Variants in VGLL4 observed in about 807,000 individuals in gnomAD.
The protein encoded by VGLL4 is vestigial like family member 4, also known as transcription cofactor vestigial-like protein 4.
A neutral mutation model predicts 21.0 loss-of-function variants in VGLL4; 7 were observed. The observed-to-expected ratio is 0.33, with a 90% CI of 0.19 to 0.63. The LOEUF (loss-of-function observed/expected upper bound fraction) is 0.63, where lower values mean the gene tolerates loss of function less well. Ranked by LOEUF, VGLL4 falls within the 20% of genes least tolerant of loss-of-function variation. The pLI, the probability that VGLL4 is intolerant of heterozygous loss-of-function variation, is 0.78. For missense variants in VGLL4, 394 were observed against 425.7 expected (o/e 0.93, Z 0.66); for synonymous variants, 222 against 173.2 (o/e 1.28, Z -2.21).
At chr3:11,643,965 G>C (rs1032759431), upstream of VGLL4, 3 of 992,390 alleles carry the variant, frequency 3.0e-6, no homozygotes, top group Non-Finnish European at 3.6e-6. Context: ...AGGAGGCCGA[G>C]CATGCTCACT....
intron 2 of VGLL4, among the ~76,000 whole-genome samples, chr3:11,588,768 A>G (rs2074417050): frequency 6.6e-6 from 1 of 152,246 alleles, no homozygotes; most frequent in African/African-American, 2.4e-5. Flanking sequence ...GACTTGGTGA[A>G]GTGCTGGAAG....
At chr3:11,711,904 G>A (rs928362546) in intron 1 of VGLL4, among the ~76,000 whole-genome samples, 1 of 152,102 alleles carries the variant, frequency 6.6e-6, no homozygotes, top group Non-Finnish European at 1.5e-5. Flanking sequence ...ATGAGAATCA[G>A]ACCAAATGTC....
At chr3:11,674,086 G>A (rs2076256180) in intron 2 of VGLL4, among the ~76,000 whole-genome samples, 1 of 150,622 alleles carries the variant, frequency 6.6e-6, no homozygotes. Flanking sequence ...AAGCCAGAAG[G>A]CAATGGAGCT....
intron 2 of VGLL4, among the ~76,000 whole-genome samples, chr3:11,574,963 CT>C (rs1201215665): frequency 5.3e-5 from 8 of 152,110 alleles, no homozygotes; most frequent in Non-Finnish European, 1.2e-4. Flanking sequence ...ATCCAAAACC[CT>C]TTTGGCTTGG....
At chr3:11,587,082 C>CA (rs1350885664) in intron 2 of VGLL4, among the ~76,000 whole-genome samples, 1 of 152,082 alleles carries the variant, frequency 6.6e-6, no homozygotes, top group Non-Finnish European at 1.5e-5. Context: ...GGCTAGTGGC[C>CA]AAAGAGACTT....
At chr3:11,604,625 C>G in intron 1 of VGLL4, 1 of 773,494 alleles carries the variant, frequency 1.3e-6, no homozygotes, top group South Asian at 6.5e-5. Context: ...GGAGATAAGA[C>G]ACTTGCATTG....
chr3:11,570,749 T>C (rs979466705), intron 2 of VGLL4, among the ~76,000 whole-genome samples: 2 of 152,174 alleles, frequency 1.3e-5, no homozygotes, highest in Non-Finnish European at 2.9e-5. Context: ...TGAGATGTCT[T>C]CTCCCTTTTA....
intron 2 of VGLL4, among the ~76,000 whole-genome samples, chr3:11,670,498 A>C (rs1296081739): frequency 6.6e-6 from 1 of 152,156 alleles, no homozygotes; most frequent in Non-Finnish European, 1.5e-5. Flanking sequence ...AGCTCTACTT[A>C]AGATTTGATT....
intron 2 of VGLL4, among the ~76,000 whole-genome samples, chr3:11,572,235 A>G (rs560341685): frequency 1.7e-4 from 26 of 152,218 alleles, no homozygotes; most frequent in Non-Finnish European, 3.5e-4. Flanking sequence ...TCACTGCCCC[A>G]CTGCAAAATA....
At chr3:11,663,548 T>C (rs1253623958) in intron 2 of VGLL4, among the ~76,000 whole-genome samples, 1 of 151,932 alleles carries the variant, frequency 6.6e-6, no homozygotes, top group Non-Finnish European at 1.5e-5. Flanking sequence ...CAAAACCTTG[T>C]CTCTACTAAA....
Position 11,565,075 on chromosome 3 carries a change from T to G in VGLL4, c.273-56A>C, listed in dbSNP as rs1157641327. On this transcript the variant is annotated intron_variant, in intron 2 of 4. Transcript: ENST00000430365. This position sits in a 1 kb window ranked among gnomAD's most constrained non-coding sequence, Gnocchi z 4.1. ...GTTTTCTCAAAGGCAAAGGGGACAG[T>G]GACTGTGCGCCAGGCACTCCGTGTT... is the stretch of plus-strand genomic sequence containing the variant. 7.0e-7 allele frequency: 1 copy of G among 1,420,854 alleles called. No individual in the cohort carries two copies. The highest frequency in any genetic ancestry group is 1.5e-5 in the African/African-American group (1 of 67,564). 88.0% of individuals were successfully genotyped at this position (1,420,854 alleles called of 1,614,324 possible).
chr3:11,707,059 T>C (rs2076770637), intron 1 of VGLL4, among the ~76,000 whole-genome samples: 1 of 151,890 alleles, frequency 6.6e-6, no homozygotes, highest in Non-Finnish European at 1.5e-5. Context: ...CTCACGCCTA[T>C]AGTCCCAGCA....
intron 2 of VGLL4, among the ~76,000 whole-genome samples, chr3:11,574,393 G>A (rs2073965342): frequency 6.6e-6 from 1 of 152,200 alleles, no homozygotes; most frequent in African/African-American, 2.4e-5. Flanking sequence ...CACTGCACGA[G>A]CACCGCACAA....
chr3:11,607,803 T>C (rs1396773555), intron 1 of VGLL4, among the ~76,000 whole-genome samples: 2 of 152,244 alleles, frequency 1.3e-5, no homozygotes, highest in Non-Finnish European at 2.9e-5. Flanking sequence ...TAAAGTCAGA[T>C]AATTTTTAAA....
rs147103769 is a variant in VGLL4, at chr3:11,713,866, G to T, written c.-14+6528C>A. ...GACCAAATAAAGGGCTAACACTCTGGATGGAAACACTGAATGAATGCTCTG... is the reference window on the plus strand; with the variant it reads ...GACCAAATAAAGGGCTAACACTCTGTATGGAAACACTGAATGAATGCTCTG... On this transcript the variant is annotated intron_variant, in intron 1 of 5. Coordinates refer to the VGLL4 transcript ENST00000273038. Among the ~76,000 whole-genome samples the T allele has an allele frequency of 6.6e-4, 101 of 152,152 alleles. 3 individuals carry two copies. The East Asian group carries it at 0.018, about 27-fold the overall frequency.
chr3:11,716,869 C>G (rs541445335), intron 1 of VGLL4, among the ~76,000 whole-genome samples: 5 of 152,112 alleles, frequency 3.3e-5, no homozygotes, highest in African/African-American at 1.2e-4. Flanking sequence ...CTTTACTCTT[C>G]TATTAAACAC....
At chr3:11,566,484 C>T (rs2073529592) in intron 2 of VGLL4, among the ~76,000 whole-genome samples, 1 of 152,206 alleles carries the variant, frequency 6.6e-6, no homozygotes, top group Non-Finnish European at 1.5e-5. Flanking sequence ...CCACATCCAG[C>T]CCTTAGTGAA....
chr3:11,691,446 A>G (rs2076525443), intron 2 of VGLL4, among the ~76,000 whole-genome samples: 1 of 152,128 alleles, frequency 6.6e-6, no homozygotes, highest in South Asian at 2.1e-4. Flanking sequence ...CTATAGAAGA[A>G]AAACAAAAGC....
At chr3:11,590,652 T>C (rs1318078038) in intron 2 of VGLL4, among the ~76,000 whole-genome samples, 1 of 144,920 alleles carries the variant, frequency 6.9e-6, no homozygotes, top group Non-Finnish European at 1.5e-5. Flanking sequence ...TGAAGAAATT[T>C]CAAAATGAAG....
Sources: allele counts gnomAD v4.1 joint callset (sites outside exome capture counted in the v4.1 genomes callset), GRCh38; gene constraint gnomAD v4.1.1; non-coding constraint Gnocchi (gnomAD v3.1); transcripts MANE v1.5; gene names NCBI Gene and HGNC (gene_info 2026-07-23, HGNC 2026-07-21).